Variants in CRHR2 observed in about 807,000 individuals in gnomAD.
CRHR2 encodes the protein corticotropin releasing hormone receptor 2, also known as corticotropin-releasing hormone receptor 2.
In CRHR2, 53 loss-of-function variants were observed where a neutral mutation model predicts 57.9. The observed-to-expected ratio is 0.92, with a 90% CI of 0.73 to 1.15. The LOEUF (loss-of-function observed/expected upper bound fraction) is 1.15, where lower values mean the gene tolerates loss of function less well. Among genes scored for constraint, CRHR2 ranks in the 50% most tolerant of loss-of-function variants. The pLI is 0.00. For synonymous variants in CRHR2, 213 were observed against 220.9 expected, an observed-to-expected ratio of 0.96 and a Z score of 0.32; for missense variants, 532 against 542.6, an observed-to-expected ratio of 0.98 and a Z score of 0.19.
At chr7:30,685,829 A>G (rs570124972), upstream of CRHR2, among the ~76,000 whole-genome samples, 1 of 152,180 alleles carries the variant, frequency 6.6e-6, no homozygotes, top group Non-Finnish European at 1.5e-5. Context: ...CATGGCAGAT[A>G]AAACGATGTT....
intron 2 of CRHR2, among the ~76,000 whole-genome samples, chr7:30,678,658 TC>T (rs3831722): frequency 0.87 from 132,550 of 152,020 alleles, 58,294 homozygotes; most frequent in African/African-American, 0.97. Context: ...CTTGAGCTTT[TC>T]CCCCACCCAA....
intron 5 of CRHR2, 85 bp from the exon 6 acceptor site, chr7:30,662,932 A>G: frequency 6.6e-7 from 1 of 1,508,470 alleles, no homozygotes; most frequent in East Asian, 2.4e-5. Context: ...AACAAGACAC[A>G]GGGCTCCCCA....
chr7:30,692,497 G>A (rs545188321), intron 1 of CRHR2, among the ~76,000 whole-genome samples: 10 of 152,296 alleles, frequency 6.6e-5, no homozygotes, highest in South Asian at 2.1e-4. Flanking sequence ...ACATTGGAGC[G>A]GAATCTAAAA....
At chr7:30,686,602 A>C, upstream of CRHR2, 1 of 1,249,402 alleles carries the variant, frequency 8.0e-7, no homozygotes, top group Non-Finnish European at 1.1e-6. Flanking sequence ...TGAGCACAGG[A>C]ATTCAAGACC....
In CRHR2 at chr7:30,682,032, A is replaced by C; in HGVS notation, c.112T>G (p.Ser38Ala). The C allele has an allele frequency of 6.3e-7, 1 of 1,590,402 alleles. No homozygotes were observed. Among genetic ancestry groups the C allele is most frequent in the Non-Finnish European group, 8.6e-7 (1 of 1,168,808 alleles). The change falls in exon 2 of 12, where the codon TCC becomes GCC. Residue 38 changes from serine to alanine, a missense_variant. Transcript: ENST00000471646. The stretch of plus-strand genomic sequence containing the variant: ...TGGTCCAAGGTCGTGTTGCAGTAGG[A>C]GTAGGGACCTGGCGGCGGGAGAGAG... ...GPPLDPEGPY[S>A]YCNTTLDQIG...
chr7:30,689,174 T>G, intron 2 of CRHR2: 1 of 1,548,120 alleles, frequency 6.5e-7, no homozygotes, highest in Non-Finnish European at 8.7e-7. Flanking sequence ...TGCAGGGTGG[T>G]GGCAGAGGGT....
chr7:30,686,847 T>G (rs1784866391), upstream of CRHR2, among the ~76,000 whole-genome samples: 1 of 152,246 alleles, frequency 6.6e-6, no homozygotes, highest in Non-Finnish European at 1.5e-5. Context: ...GAATTGATCA[T>G]AGATTCGTGA....
intron 1 of CRHR2, among the ~76,000 whole-genome samples, chr7:30,695,895 T>C (rs1180365713): frequency 6.6e-6 from 1 of 152,122 alleles, no homozygotes; most frequent in East Asian, 1.9e-4. Context: ...GGGGAGAGGA[T>C]GGTTTTAACT....
Position 30,699,943 on chromosome 7 carries a change from C to G in CRHR2, c.-261+1G>C. 1 of 1,507,532 alleles carries G rather than the reference C, an allele frequency of 6.6e-7. No homozygotes were observed. The highest frequency in any genetic ancestry group is 8.9e-7 in the Non-Finnish European group (1 of 1,127,190). The allele number at this position is 1,507,532 out of a possible 1,614,324, so 93.4% of individuals were successfully genotyped here. A position where few individuals can be genotyped will look rare whatever the true frequency, so the allele number is the denominator to read the frequency against. On this transcript the variant is annotated splice_donor_variant, in intron 1 of 13. Coordinates refer to the CRHR2 transcript ENST00000341843. LOFTEE classifies it low-confidence loss of function (5UTR_SPLICE). ...CGTGGACTCCCACTCCCTGCACTTACGTATTGGAGCGGCGGTGGGAGGAGG... is the reference window on the plus strand; with the variant it reads ...CGTGGACTCCCACTCCCTGCACTTAGGTATTGGAGCGGCGGTGGGAGGAGG...
intron 10 of CRHR2, among the ~76,000 whole-genome samples, chr7:30,655,296 G>C (rs112042757): frequency 6.6e-6 from 1 of 152,274 alleles, no homozygotes; most frequent in African/African-American, 2.4e-5. Context: ...GGCAGACTCC[G>C]GTCTCCTCAA....
intron 3 of CRHR2, 55 bp downstream of exon 3, chr7:30,667,173 C>G (rs1784212048): frequency 1.3e-6 from 2 of 1,531,282 alleles, no homozygotes; most frequent in African/African-American, 2.7e-5. Context: ...TCTGCTCAAC[C>G]TGAGTCCAAA....
intron 1 of CRHR2, chr7:30,698,240 T>C (rs1313270906): frequency 6.6e-6 from 1 of 152,320 alleles, no homozygotes; most frequent in African/African-American, 2.4e-5. Context: ...GGTAAGTAAC[T>C]GGTCTCTATC....
At chr7:30,685,906 AC>A (rs1396900344), upstream of CRHR2, among the ~76,000 whole-genome samples, 1 of 152,026 alleles carries the variant, frequency 6.6e-6, no homozygotes, top group Non-Finnish European at 1.5e-5. Flanking sequence ...TGAGATGGAG[AC>A]CACCTCTTTG....
Position 30,653,680 on chromosome 7 carries a change from CTCTCATGGG to C in CRHR2, c.1096-89_1096-81del, listed in dbSNP as rs1783670250. On this transcript the variant is annotated intron_variant, in intron 11 of 11. Coordinates refer to ENST00000471646, the MANE Select transcript of CRHR2 (RefSeq NM_001883.5). This position sits in a 1 kb window ranked among gnomAD's most constrained non-coding sequence, Gnocchi z 5.0. ...GGACCATCCCCTCCTCTGCTTTCTG[CTCTCATGGG>C]TCGACTGCCACCCTCATGACAAGGA... is the stretch of plus-strand genomic sequence containing the variant. 11 of 1,490,464 alleles carry C rather than the reference CTCTCATGGG, an allele frequency of 7.4e-6. No homozygotes were observed. Among genetic ancestry groups the C allele is most frequent in the African/African-American group, 1.4e-5 (1 of 71,722 alleles). The allele number at this position is 1,490,464 out of a possible 1,614,324, so 92.3% of individuals were successfully genotyped here.
chr7:30,686,836 T>G (rs1403358851), upstream of CRHR2, among the ~76,000 whole-genome samples: 1 of 152,240 alleles, frequency 6.6e-6, no homozygotes, highest in African/African-American at 2.4e-5. Flanking sequence ...GGCATACAAT[T>G]GAATTGATCA....
intron 2 of CRHR2, among the ~76,000 whole-genome samples, chr7:30,673,803 G>T (rs1179976988): frequency 6.6e-6 from 1 of 152,186 alleles, no homozygotes; most frequent in Admixed American, 6.5e-5. Context: ...TTTCTGTCTT[G>T]ATCCGATCAC....
intron 2 of CRHR2, among the ~76,000 whole-genome samples, chr7:30,675,993 A>G (rs1362966571): frequency 6.6e-6 from 1 of 152,250 alleles, no homozygotes; most frequent in Admixed American, 6.5e-5. Flanking sequence ...AGCAGGAGAC[A>G]GGAAAGATCA....
intron 2 of CRHR2, among the ~76,000 whole-genome samples, chr7:30,671,635 CAAAAAAA>C (rs11305836): frequency 9.5e-6 from 1 of 104,956 alleles, no homozygotes; most frequent in African/African-American, 3.4e-5. Flanking sequence ...CCCCATCTCT[CAAAAAAA>C]AAAAAAAAAA....
Position 30,682,327 on chromosome 7 carries a change from G to T in CRHR2, c.-47C>A. On this transcript the variant is annotated 5_prime_UTR_variant, in exon 1 of 12. Coordinates refer to ENST00000471646, the MANE Select transcript of CRHR2 (RefSeq NM_001883.5). ...GAGAGGGAGTGGGAGTGCGCGCCCGGCGTGACTGCGAGGGAGTGGACGCGA... is the reference window on the plus strand; with the variant it reads ...GAGAGGGAGTGGGAGTGCGCGCCCGTCGTGACTGCGAGGGAGTGGACGCGA... 1 of 1,498,480 alleles carries T rather than the reference G, an allele frequency of 6.7e-7. No individual in the cohort carries two copies. The highest frequency in any genetic ancestry group is 8.9e-7 in the Non-Finnish European group (1 of 1,128,258). The allele number at this position is 1,498,480 out of a possible 1,614,324, so 92.8% of individuals were successfully genotyped here.
Sources: allele counts gnomAD v4.1 joint callset (sites outside exome capture counted in the v4.1 genomes callset), GRCh38; gene constraint gnomAD v4.1.1; non-coding constraint Gnocchi (gnomAD v3.1); transcripts MANE v1.5; gene names NCBI Gene and HGNC (gene_info 2026-07-23, HGNC 2026-07-21).